Variants in SRRM2 observed in about 807,000 individuals in gnomAD.
SRRM2 encodes serine/arginine repetitive matrix 2.
A neutral mutation model predicts 213.8 loss-of-function variants in SRRM2; 30 were observed. That is an observed-to-expected ratio of 0.14 (90% CI 0.10 to 0.19). The LOEUF (loss-of-function observed/expected upper bound fraction) is 0.19, where lower values mean the gene tolerates loss of function less well. Ranked by LOEUF, SRRM2 falls within the 10% of genes least tolerant of loss-of-function variation. The pLI, the probability that SRRM2 is intolerant of heterozygous loss-of-function variation, is 1.00. For synonymous variants in SRRM2, 2,025 were observed against 1,377.7 expected (o/e 1.47, Z -10.40); for missense variants, 4,904 against 3,647.0 (o/e 1.34, Z -8.88).
Position 2,756,347 on chromosome 16 carries a change from C to T in SRRM2, c.-18C>T. 1.9e-6 allele frequency: 3 copies of T among 1,585,232 alleles called. No homozygotes were observed. Among genetic ancestry groups the T allele is most frequent in the Non-Finnish European group, 1.7e-6 (2 of 1,169,428 alleles). On this transcript the variant is annotated 5_prime_UTR_variant, in exon 2 of 15. Coordinates refer to ENST00000301740, the MANE Select transcript of SRRM2 (RefSeq NM_016333.4). The stretch of plus-strand genomic sequence containing the variant: ...GCTCCCCCTCAGGAGCGGTGGTGCC[C>T]CCCCCGGGCACGGGGCCATGTACAA...
chr16:2,756,671 T>G (rs1449744621), intron 2 of SRRM2, 65 bp downstream of exon 2: 7 of 1,543,186 alleles, frequency 4.5e-6, no homozygotes, highest in African/African-American at 4.1e-5. Flanking sequence ...TTAGGTGGGA[T>G]GTATAGGGAG....
Position 2,757,824 on chromosome 16 carries a change from A to C in SRRM2, c.394A>C (p.Asn132His). The change falls in exon 4 of 15, where the codon AAT (asparagine) becomes CAT (histidine). Residue 132 changes from asparagine (N) to histidine (H), a missense_variant. By Grantham distance (68) the Asn-to-His change is moderately conservative. Coordinates refer to ENST00000301740, the MANE Select transcript of SRRM2 (RefSeq NM_016333.4). ...GTTGGCAGAATTAAATGAGAAGAAG[A>C]ATGAAAGACTCCGTGCTGCCTTTGG... ...HQLAELNEKK[N>H]ERLRAAFGIS... 6.2e-7 allele frequency: 1 copy of C among 1,614,122 alleles called. No homozygotes were observed. The highest frequency in any genetic ancestry group is 2.2e-5 in the East Asian group (1 of 44,892).
chr16:2,759,779 CT>C, intron 9 of SRRM2, 118 bp downstream of exon 9: 1 of 873,660 alleles, frequency 1.1e-6, no homozygotes, highest in South Asian at 1.5e-5. Context: ...GACACGGTCC[CT>C]GCCCTCTAGG....
Position 2,752,731 on chromosome 16 carries a change from TGAGGCGGGCGGACCGGCGAGGC to T in SRRM2, c.-139_-118del, listed in dbSNP as rs1249310435. 1.4e-5 allele frequency: 5 copies of T among 350,484 alleles called. No individual in the cohort carries two copies. Among genetic ancestry groups the T allele is most frequent in the African/African-American group, 4.5e-5 (2 of 44,212 alleles). The allele number at this position is 350,484 out of a possible 1,614,324, so 21.7% of individuals were successfully genotyped here. A position where few individuals can be genotyped will look rare whatever the true frequency, so the allele number is the denominator to read the frequency against. ...GAAGCGAGGAGGCGTCGGCGTCGGC[TGAGGCGGGCGGACCGGCGAGGC>T]GAGGCGGCGGCCCCAGGCCCGAGGG... On this transcript the variant is annotated 5_prime_UTR_variant, in exon 1 of 15. Transcript: ENST00000301740.
chr16:2,757,594 C>T lies in SRRM2; in HGVS notation c.350+15C>T. 6.2e-7 allele frequency: 1 copy of T among 1,609,076 alleles called. No individual in the cohort carries two copies. Among genetic ancestry groups the T allele is most frequent in the Admixed American group, 1.7e-5 (1 of 59,560 alleles). On this transcript the variant is annotated intron_variant, in intron 3 of 14. Coordinates refer to ENST00000301740, the MANE Select transcript of SRRM2 (RefSeq NM_016333.4). The stretch of plus-strand genomic sequence containing the variant: ...CAGAGGCCAGCGTGAGTGTTGCGCT[C>T]TCCCTCGATGACTCTGGACTCTACT...
Position 2,766,964 on chromosome 16 carries a change from A to G in SRRM2, c.6436A>G (p.Met2146Val), listed in dbSNP as rs141896592. The stretch of plus-strand genomic sequence containing the variant: ...ACCCCTTGGCAGCTCTAGAACACCC[A>G]TGTCTGTCCTGCAGCAAGCCGGCGG... ...LEPLGSSRTP[M>V]SVLQQAGGSM... The change falls in exon 11 of 15, where the codon ATG becomes GTG. Residue 2146 changes from methionine to valine, a missense_variant. Physicochemically the swap from Met to Val is conservative, Grantham distance 21 (BLOSUM62 1). Coordinates refer to ENST00000301740, the MANE Select transcript of SRRM2 (RefSeq NM_016333.4). This position sits in a 1 kb window ranked among gnomAD's most constrained non-coding sequence, Gnocchi z 7.0. 1.9e-5 allele frequency: 30 copies of G among 1,613,976 alleles called. No homozygotes were observed. The African/African-American group carries it at 3.9e-4, about 21-fold the overall frequency.
Position 2,762,124 on chromosome 16 carries a change from C to T in SRRM2, c.1596C>T (p.Gly532=). Residue 532 remains glycine (G), a synonymous_variant, in exon 11 of 15, where the codon GGC becomes GGT. Coordinates refer to ENST00000301740, the MANE Select transcript of SRRM2 (RefSeq NM_016333.4). ...GATCTAGAAGCCCCCAGCGACGTGG[C>T]CGCTCTAGGTCTCCTCAGCGACCAG... ...WGRSRSPQRR[G]RSRSPQRPGW... is the part of the protein sequence containing the mutation. 1 of 1,614,160 alleles carries T rather than the reference C, an allele frequency of 6.2e-7. No individual in the cohort carries two copies. Among genetic ancestry groups the T allele is most frequent in the Admixed American group, 1.7e-5 (1 of 60,026 alleles).
chr16:2,766,473 C>T lies in SRRM2; in HGVS notation c.5945C>T (p.Ser1982Leu), dbSNP rs1173534860. ...SRTSPITRRR[S>L]RSRTSPVTRR... ...ACTTCGCCTATCACTCGCAGAAGAT[C>T]AAGATCCAGAACATCTCCGGTCACC... Residue 1982 changes from serine to leucine, a missense_variant, in exon 11 of 15, where the codon TCA becomes TTA. By Grantham distance (145) the Ser-to-Leu change is moderately radical. Transcript: ENST00000301740. The surrounding 1 kb of genome is among the most constrained non-coding windows in gnomAD (Gnocchi z 7.0). The T allele has an allele frequency of 6.2e-7, 1 of 1,614,156 alleles. No individual in the cohort carries two copies. The highest frequency in any genetic ancestry group is 8.5e-7 in the Non-Finnish European group (1 of 1,180,034).
At chr16:2,753,527 G>A (rs2068020924) in intron 1 of SRRM2, 1 of 152,212 alleles carries the variant, frequency 6.6e-6, no homozygotes, top group African/African-American at 2.4e-5. Context: ...TTGTAAGGTA[G>A]ACCGTGCGTT....
In SRRM2 at chr16:2,764,608, T is replaced by C; in HGVS notation, c.4080T>C (p.Leu1360=). ...AAGAAGATTTGAATGGACCGTTTCTTAATCAGCTGGAAACAGATCCATCTC... is the reference window on the plus strand; with the variant it reads ...AAGAAGATTTGAATGGACCGTTTCTCAATCAGCTGGAAACAGATCCATCTC... ...EVKEDLNGPF[L]NQLETDPSLD... Residue 1360 remains leucine (L), a synonymous_variant, in exon 11 of 15, where the codon CTT becomes CTC. Coordinates refer to ENST00000301740, the MANE Select transcript of SRRM2 (RefSeq NM_016333.4). 2 of 1,614,232 alleles carry C rather than the reference T, an allele frequency of 1.2e-6. No individual in the cohort carries two copies. Among genetic ancestry groups the C allele is most frequent in the Non-Finnish European group, 1.7e-6 (2 of 1,180,036 alleles).
rs760233388 is a variant in SRRM2, at chr16:2,759,880, T to G, written c.833+219T>G. The G allele has an allele frequency of 7.7e-5, 44 of 574,284 alleles. 1 individual carries two copies. In the East Asian group the frequency reaches 1.1e-3, roughly 15 times the overall value. The allele number at this position is 574,284 out of a possible 1,614,324, so 35.6% of individuals were successfully genotyped here. ...TTTTTGTTTATTTGTTATTTTTGTT[T>G]CGTTCTGATGTATATGGACTGCCAG... On this transcript the variant is annotated intron_variant, in intron 9 of 14. Transcript: ENST00000301740.
At chr16:2,752,900 CG>C (rs2067975138) in intron 1 of SRRM2, 54 bp downstream of exon 1, 1 of 188,766 alleles carries the variant, frequency 5.3e-6, no homozygotes, top group South Asian at 6.2e-5. Context: ...GCGGCCCCGG[CG>C]CGAGGCCAAA....
Position 2,766,210 on chromosome 16 carries a change from A to C in SRRM2, c.5682A>C (p.Pro1894=), listed in dbSNP as rs755255855. 1 of 1,614,200 alleles carries C rather than the reference A, an allele frequency of 6.2e-7. No homozygotes were observed. Among genetic ancestry groups the C allele is most frequent in the African/African-American group, 1.3e-5 (1 of 75,058 alleles). ...GTAGGTCCAGATCTCGAACTTCACCAGTCAGCCGGAGACGGTCAAGGTCCA... is the reference window on the plus strand; with the variant it reads ...GTAGGTCCAGATCTCGAACTTCACCCGTCAGCCGGAGACGGTCAAGGTCCA... The part of the protein sequence containing the change: ...SRRRSRSRTS[P]VSRRRSRSRT... Residue 1894 remains proline (P), a synonymous_variant, in exon 11 of 15, where the codon CCA becomes CCC. Transcript: ENST00000301740. This position sits in a 1 kb window ranked among gnomAD's most constrained non-coding sequence, Gnocchi z 7.0.
chr16:2,770,430 TCCCTCGCCCCAG>T lies in SRRM2; in HGVS notation c.8106_8117del (p.Gln2704_Pro2707del). On this transcript the variant is annotated inframe_deletion, in exon 13 of 15. Coordinates refer to ENST00000301740, the MANE Select transcript of SRRM2 (RefSeq NM_016333.4). ...GCTACTCGCCTGTGGAGCGTCGCCG[TCCCTCGCCCCAG>T]CCCTCACCACGGGACCAGCAGAGGT... is the stretch of plus-strand genomic sequence containing the variant. 1 of 1,610,372 alleles carries T rather than the reference TCCCTCGCCCCAG, an allele frequency of 6.2e-7. No individual in the cohort carries two copies. The highest frequency in any genetic ancestry group is 8.5e-7 in the Non-Finnish European group (1 of 1,178,626).
chr16:2,756,396 G>A lies in SRRM2; in HGVS notation c.32G>A (p.Arg11Gln). The A allele has an allele frequency of 6.2e-7, 1 of 1,608,578 alleles. No individual in the cohort carries two copies. The highest frequency in any genetic ancestry group is 8.5e-7 in the Non-Finnish European group (1 of 1,178,098). The change falls in exon 2 of 15, where the codon CGG becomes CAG. Residue 11 changes from arginine (R) to glutamine (Q), a missense_variant. Arg to Gln is a conservative substitution (Grantham distance 43). Transcript: ENST00000301740. ...AACGGGATCGGGCTGCCGACGCCCCGGGGCAGCGGCACCAACGGCTACGTC... is the reference window on the plus strand; with the variant it reads ...AACGGGATCGGGCTGCCGACGCCCCAGGGCAGCGGCACCAACGGCTACGTC... MYNGIGLPTP[R>Q]GSGTNGYVQR...
At chr16:2,757,714 T>C in intron 3 of SRRM2, 67 bp from the exon 4 acceptor site, 20 of 1,591,584 alleles carry the variant, frequency 1.3e-5, no homozygotes, top group Non-Finnish European at 1.5e-5. Flanking sequence ...CTCCTGCTTA[T>C]ACTTGTGTTC....
Position 2,757,928 on chromosome 16 carries a change from G to A in SRRM2, c.498G>A (p.Glu166=). 6.2e-7 allele frequency: 1 copy of A among 1,614,010 alleles called. No homozygotes were observed. Among genetic ancestry groups the A allele is most frequent in the Non-Finnish European group, 8.5e-7 (1 of 1,180,004 alleles). Reference sequence around the variant, plus strand: ...GAGAAGCTAAACAACCAGCTCCTGAGCCTCCCAAACCTTACAGGTATACAA... The same window carrying A: ...GAGAAGCTAAACAACCAGCTCCTGAACCTCCCAAACCTTACAGGTATACAA... ...RAREAKQPAP[E]PPKPYSLVRE... The change falls in exon 4 of 15, where the codon GAG becomes GAA. Residue 166 remains glutamate (E), a synonymous_variant. Transcript: ENST00000301740.
intron 10 of SRRM2, among the ~76,000 whole-genome samples, 180 bp from the exon 11 acceptor site, chr16:2,761,381 A>T (rs1231698824): frequency 6.6e-6 from 1 of 152,206 alleles, no homozygotes; most frequent in Non-Finnish European, 1.5e-5. Context: ...CTATCCATAT[A>T]TTCATATGTT....
chr16:2,760,664 G>T (rs766027299), intron 10 of SRRM2, 165 bp downstream of exon 10: 5 of 708,380 alleles, frequency 7.1e-6, no homozygotes, highest in Non-Finnish European at 1.2e-5. Context: ...AACTTTTAGT[G>T]TTGTTACTAG....
Sources: allele counts gnomAD v4.1 joint callset (sites outside exome capture counted in the v4.1 genomes callset), GRCh38; gene constraint gnomAD v4.1.1; non-coding constraint Gnocchi (gnomAD v3.1); transcripts MANE v1.5; gene names NCBI Gene and HGNC (gene_info 2026-07-23, HGNC 2026-07-21).